EIPR1: variants seen among roughly 807,000 people sequenced by gnomAD.
The protein encoded by EIPR1 is EARP and GARP complex-interacting protein 1.
A neutral mutation model predicts 48.1 loss-of-function variants in EIPR1; 25 were observed. That is an observed-to-expected ratio of 0.52 (90% CI 0.38 to 0.73). The LOEUF is 0.73. Ranked by LOEUF, EIPR1 falls within the 30% of genes least tolerant of loss-of-function variation. The pLI is 0.00. For missense variants in EIPR1, 415 were observed against 506.2 expected (o/e 0.82, Z 1.73); for synonymous variants, 204 against 201.9 (o/e 1.01, Z -0.09).
chr2:3,211,038 C>T (rs1380649151), intron 5 of EIPR1, among the ~76,000 whole-genome samples: 1 of 152,168 alleles, frequency 6.6e-6, no homozygotes, highest in Non-Finnish European at 1.5e-5. Flanking sequence ...TTACCTGGCT[C>T]ATGAAATCAT....
chr2:3,370,463 C>A lies in EIPR1; in HGVS notation c.42+7185G>T, dbSNP rs536414052. Among the ~76,000 whole-genome samples, 1,008 of 152,152 alleles carry A rather than the reference C, an allele frequency of 6.6e-3. 8 individuals carry two copies. Among genetic ancestry groups the A allele is most frequent in the Non-Finnish European group, 9.1e-3 (621 of 68,000 alleles). On this transcript the variant is annotated intron_variant, in intron 1 of 8. Transcript: ENST00000382125. ...CCGAGCTACAGGAGGAAATTCAAAC[C>A]AAAGGCAAAGAAGTTGAAAACTTTG...
chr2:3,202,039 G>A (rs976911943), intron 5 of EIPR1, among the ~76,000 whole-genome samples: 1 of 152,082 alleles, frequency 6.6e-6, no homozygotes, highest in Non-Finnish European at 1.5e-5. Context: ...CGGGGTTCAC[G>A]CCATTCTCCT....
chr2:3,225,024 G>C (rs889836119), intron 4 of EIPR1, among the ~76,000 whole-genome samples: 5 of 152,180 alleles, frequency 3.3e-5, no homozygotes, highest in African/African-American at 1.2e-4. Context: ...GTACTCCCTT[G>C]TAAACAGTTT....
At chr2:3,299,624 TCACACACACACACA>T (rs3064647) in intron 3 of EIPR1, among the ~76,000 whole-genome samples, 1 of 136,718 alleles carries the variant, frequency 7.3e-6, no homozygotes, top group Non-Finnish European at 1.5e-5. Context: ...TCTCTCTCTC[TCACACACACACACA>T]CACACACACA....
intron 5 of EIPR1, chr2:3,208,470 C>T: frequency 6.6e-7 from 1 of 1,505,688 alleles, no homozygotes; most frequent in Non-Finnish European, 8.9e-7. Context: ...CTCTTCTCAT[C>T]TGTCAGTTGG....
At chr2:3,202,401 T>C (rs1465841996) in intron 5 of EIPR1, among the ~76,000 whole-genome samples, 2 of 152,210 alleles carry the variant, frequency 1.3e-5, no homozygotes, top group Non-Finnish European at 2.9e-5. Flanking sequence ...TTGATGACAA[T>C]GAATACAGTA....
At chr2:3,239,504 C>A (rs895681575) in intron 4 of EIPR1, among the ~76,000 whole-genome samples, 1 of 152,158 alleles carries the variant, frequency 6.6e-6, no homozygotes, top group Non-Finnish European at 1.5e-5. Context: ...GAGGTGGATC[C>A]GTCTTCTGAT....
intron 3 of EIPR1, among the ~76,000 whole-genome samples, chr2:3,290,212 C>G (rs1052378829): frequency 6.6e-6 from 1 of 152,238 alleles, no homozygotes; most frequent in Non-Finnish European, 1.5e-5. Flanking sequence ...CTCGCTCACC[C>G]GGATGCAGCC....
chr2:3,297,747 T>C (rs971447253), intron 3 of EIPR1, among the ~76,000 whole-genome samples: 2 of 152,214 alleles, frequency 1.3e-5, no homozygotes, highest in African/African-American at 4.8e-5. Flanking sequence ...CAAAACCAGG[T>C]AGTGGGCCAG....
At chr2:3,321,344 C>T (rs559017693) in intron 3 of EIPR1, among the ~76,000 whole-genome samples, 2 of 152,274 alleles carry the variant, frequency 1.3e-5, no homozygotes, top group African/African-American at 4.8e-5. Flanking sequence ...ACACACAAGC[C>T]GGCATGCTTG....
chr2:3,366,279 GC>G (rs1263134040), intron 1 of EIPR1, among the ~76,000 whole-genome samples: 5 of 152,352 alleles, frequency 3.3e-5, no homozygotes, highest in Middle Eastern at 3.4e-3. Flanking sequence ...CTGCACTCCA[GC>G]CTGGGTGACA....
At chr2:3,265,447 C>T (rs1667457688) in intron 3 of EIPR1, among the ~76,000 whole-genome samples, 1 of 152,136 alleles carries the variant, frequency 6.6e-6, no homozygotes, top group Non-Finnish European at 1.5e-5. Context: ...CAGTGTTCAA[C>T]ACACATCCAG....
chr2:3,361,251 C>T (rs1160374002), intron 1 of EIPR1, among the ~76,000 whole-genome samples: 1 of 152,120 alleles, frequency 6.6e-6, no homozygotes, highest in Non-Finnish European at 1.5e-5. Flanking sequence ...CCCTCACCTC[C>T]TCCATTTTGT....
intron 3 of EIPR1, among the ~76,000 whole-genome samples, chr2:3,311,281 G>T (rs1669120331): frequency 6.6e-6 from 1 of 152,016 alleles, no homozygotes; most frequent in African/African-American, 2.4e-5. Context: ...CTCTCAAGAT[G>T]ATCTCTTCCT....
chr2:3,259,159 G>C (rs914381609), intron 3 of EIPR1, among the ~76,000 whole-genome samples: 4 of 152,134 alleles, frequency 2.6e-5, no homozygotes, highest in African/African-American at 9.7e-5. Context: ...AATCTTACAA[G>C]TTATAGAACT....
At chr2:3,250,197 G>C (rs1666960776) in intron 4 of EIPR1, among the ~76,000 whole-genome samples, 1 of 152,196 alleles carries the variant, frequency 6.6e-6, no homozygotes, top group Non-Finnish European at 1.5e-5. Flanking sequence ...AAAAGCACTT[G>C]ACTCCAACCC....
At chr2:3,304,934 TC>T (rs1187424348) in intron 3 of EIPR1, among the ~76,000 whole-genome samples, 2 of 145,532 alleles carry the variant, frequency 1.4e-5, no homozygotes, top group African/African-American at 2.6e-5. Flanking sequence ...TCCAGTCCCG[TC>T]CAGTTCAGCC....
chr2:3,307,321 C>T (rs918995680), intron 3 of EIPR1, among the ~76,000 whole-genome samples: 1 of 152,204 alleles, frequency 6.6e-6, no homozygotes, highest in Non-Finnish European at 1.5e-5. Flanking sequence ...CCCAGCAGCT[C>T]CTGCCAGTGT....
At position 3,249,682 on chromosome 2, in the gene EIPR1, C is replaced by G. The variant is rs185020897; in HGVS notation, c.416+7617G>C. Among the ~76,000 whole-genome samples, 308 of 152,290 alleles carry G rather than the reference C, an allele frequency of 2.0e-3. 1 individual carries two copies. The highest frequency in any genetic ancestry group is 6.6e-3 in the African/African-American group (276 of 41,560). On this transcript the variant is annotated intron_variant, in intron 4 of 8. Coordinates refer to ENST00000382125, the MANE Select transcript of EIPR1 (RefSeq NM_003310.5). ...GACAATGGGAAAAAGGCCTTGAAGA[C>G]ATCTCAGGCATCTTGGGAGGGGGAA... is the stretch of plus-strand genomic sequence containing the variant.
Sources: gnomAD v4.1 joint callset for allele counts (sites outside exome capture counted in the v4.1 genomes callset) on GRCh38, gnomAD v4.1.1 for gene constraint, MANE v1.5 for transcripts, NCBI Gene and HGNC (gene_info 2026-07-23, HGNC 2026-07-21) for gene names.